THSD7A: variants seen among roughly 807,000 people sequenced by gnomAD.
THSD7A encodes the protein thrombospondin type 1 domain containing 7A, also known as thrombospondin type-1 domain-containing protein 7A.
Under a neutral mutation model 231.3 loss-of-function variants are expected in THSD7A, and 96 were observed. That is an observed-to-expected ratio of 0.41 (90% CI 0.35 to 0.49). THSD7A has a LOEUF of 0.49. THSD7A is among the 20% of genes least tolerant of loss of function. The probability of loss-of-function intolerance (pLI) is 0.05; values close to 1 mark genes in which losing one functional copy is unlikely to be tolerated. For missense variants in THSD7A, 2,290 were observed against 2,070.2 expected (o/e 1.11, Z -2.06); for synonymous variants, 940 against 743.3 (o/e 1.26, Z -4.30).
At chr7:11,453,608 G>GAA (rs1171016253) in intron 11 of THSD7A, among the ~76,000 whole-genome samples, 1 of 151,888 alleles carries the variant, frequency 6.6e-6, no homozygotes, top group Non-Finnish European at 1.5e-5. Flanking sequence ...GTAGACCCTA[G>GAA]AAAATATTAA....
In THSD7A at chr7:11,611,212, A is replaced by G. The variant is rs141563566; in HGVS notation, c.1023-17710T>C. Among the ~76,000 whole-genome samples, 544 of 152,264 alleles carry G rather than the reference A, an allele frequency of 3.6e-3. 3 individuals are homozygous for G. Among genetic ancestry groups the G allele is most frequent in the African/African-American group, 0.012 (515 of 41,572 alleles). On this transcript the variant is annotated intron_variant, in intron 2 of 27. Transcript: ENST00000423059. ...TGTTAGAGAAGATCTAACTTAATCA[A>G]TATTTAATGTGCAATAAAATAAATG...
chr7:11,512,305 G>A (rs1787844565), intron 6 of THSD7A, among the ~76,000 whole-genome samples: 1 of 152,148 alleles, frequency 6.6e-6, no homozygotes, highest in Non-Finnish European at 1.5e-5. Context: ...GAGAGGATGT[G>A]GGGAAATAGG....
intron 1 of THSD7A, among the ~76,000 whole-genome samples, chr7:11,696,234 G>T (rs1480648617): frequency 6.6e-6 from 1 of 151,342 alleles, no homozygotes. Flanking sequence ...TGGCAACATG[G>T]TTGGAAATTA....
intron 1 of THSD7A, among the ~76,000 whole-genome samples, chr7:11,678,783 G>A (rs888521878): frequency 6.6e-6 from 1 of 152,116 alleles, no homozygotes; most frequent in Non-Finnish European, 1.5e-5. Context: ...AGAGGAGCTG[G>A]TACCATTCCT....
chr7:11,489,734 A>G (rs541347750), intron 6 of THSD7A, among the ~76,000 whole-genome samples: 78 of 152,182 alleles, frequency 5.1e-4, no homozygotes, highest in African/African-American at 1.9e-3. Context: ...TCACTCCAGT[A>G]TTTAAAAATA....
chr7:11,674,625 T>G (rs2128380117), intron 1 of THSD7A, among the ~76,000 whole-genome samples: 1 of 152,172 alleles, frequency 6.6e-6, no homozygotes, highest in East Asian at 1.9e-4. Flanking sequence ...ACAAAGCCAA[T>G]TGATTATACA....
At chr7:11,825,362 G>C (rs1207925445) in intron 1 of THSD7A, among the ~76,000 whole-genome samples, 24 of 152,248 alleles carry the variant, frequency 1.6e-4, no homozygotes, top group Admixed American at 1.4e-3. Flanking sequence ...GATGTAAACA[G>C]TGGTTTGTCT....
At chr7:11,529,514 G>A in intron 6 of THSD7A, among the ~76,000 whole-genome samples, 1 of 152,008 alleles carries the variant, frequency 6.6e-6, no homozygotes, top group African/African-American at 2.4e-5. Context: ...TTACATCATG[G>A]GGATGGTTTC....
At chr7:11,560,685 A>G (rs746542289) in intron 4 of THSD7A, among the ~76,000 whole-genome samples, 2 of 152,106 alleles carry the variant, frequency 1.3e-5, no homozygotes, top group Admixed American at 6.6e-5. Context: ...AATCTAACAC[A>G]TTATTTATAA....
At chr7:11,601,290 T>C (rs913244307) in intron 2 of THSD7A, among the ~76,000 whole-genome samples, 1 of 152,206 alleles carries the variant, frequency 6.6e-6, no homozygotes, top group Admixed American at 6.6e-5. Flanking sequence ...GACTATTGGT[T>C]GACTGCCTCT....
At chr7:11,789,589 C>T (rs1783888741) in intron 1 of THSD7A, among the ~76,000 whole-genome samples, 1 of 151,230 alleles carries the variant, frequency 6.6e-6, no homozygotes, top group Non-Finnish European at 1.5e-5. Flanking sequence ...GGTAAGAACA[C>T]TCAACATGAG....
intron 4 of THSD7A, among the ~76,000 whole-genome samples, chr7:11,567,071 C>G (rs1206624726): frequency 1.3e-5 from 2 of 151,232 alleles, no homozygotes; most frequent in African/African-American, 4.9e-5. Context: ...TCCTAACTTA[C>G]TAAGTAAAAG....
At chr7:11,756,067 A>G (rs960346108) in intron 1 of THSD7A, among the ~76,000 whole-genome samples, 8 of 152,084 alleles carry the variant, frequency 5.3e-5, no homozygotes, top group Admixed American at 1.3e-4. Context: ...TTATCATTGC[A>G]TCTGCTTTTA....
chr7:11,462,549 A>G (rs1785545657), intron 9 of THSD7A, among the ~76,000 whole-genome samples: 1 of 152,070 alleles, frequency 6.6e-6, no homozygotes, highest in African/African-American at 2.4e-5. Context: ...CATGTAATGA[A>G]TCTTCTTTAG....
intron 23 of THSD7A, among the ~76,000 whole-genome samples, chr7:11,395,522 CTTT>C (rs1209808529): frequency 1.4e-5 from 2 of 140,414 alleles, no homozygotes; most frequent in Admixed American, 7.1e-5. Flanking sequence ...AATATGCATT[CTTT>C]TTTTTTTTTT....
At chr7:11,731,754 A>G (rs892078510) in intron 1 of THSD7A, among the ~76,000 whole-genome samples, 2 of 151,744 alleles carry the variant, frequency 1.3e-5, no homozygotes, top group African/African-American at 4.8e-5. Flanking sequence ...TAAATCTCAC[A>G]CAGCCTTTGC....
In THSD7A at chr7:11,832,025, C is replaced by A; in HGVS notation, c.-79G>T. On this transcript the variant is annotated 5_prime_UTR_variant, in exon 1 of 28. Transcript: ENST00000423059. ...TTTCTCCGCTCTTGGAACGTCTTTT[C>A]AAAGAGTACAGAAAGCAAAGCTCTT... 1 of 976,904 alleles carries A rather than the reference C, an allele frequency of 1.0e-6. No individual in the cohort carries two copies. The highest frequency in any genetic ancestry group is 1.3e-6 in the Non-Finnish European group (1 of 764,018). 60.5% of individuals were successfully genotyped at this position (976,904 alleles called of 1,614,324 possible).
intron 1 of THSD7A, among the ~76,000 whole-genome samples, chr7:11,791,606 C>A (rs1783953918): frequency 1.3e-5 from 2 of 152,072 alleles, no homozygotes; most frequent in South Asian, 4.1e-4. Context: ...TAAATTATAA[C>A]AACCTTGGTA....
chr7:11,813,275 C>T (rs1784584041), intron 1 of THSD7A, among the ~76,000 whole-genome samples: 1 of 152,158 alleles, frequency 6.6e-6, no homozygotes, highest in East Asian at 1.9e-4. Context: ...CCTAAATGCA[C>T]TTTTATTCTT....
Sources: gnomAD v4.1 joint callset for allele counts (sites outside exome capture counted in the v4.1 genomes callset) on GRCh38, gnomAD v4.1.1 for gene constraint, MANE v1.5 for transcripts, NCBI Gene and HGNC (gene_info 2026-07-23, HGNC 2026-07-21) for gene names.